The following CPD variants were observed in gnomAD, a reference collection of about 807,000 sequenced individuals.
CPD encodes carboxypeptidase D.
Under a neutral mutation model 138.3 loss-of-function variants are expected in CPD, and 69 were observed. The observed-to-expected ratio is 0.50, with a 90% CI of 0.41 to 0.61. CPD has a LOEUF of 0.61. Ranked by LOEUF, CPD falls within the 20% of genes least tolerant of loss-of-function variation. The pLI, the probability that CPD is intolerant of heterozygous loss-of-function variation, is 0.00. For synonymous variants in CPD, 651 were observed against 642.1 expected (o/e 1.01, Z -0.21); for missense variants, 1,432 against 1,733.3 (o/e 0.83, Z 3.09).
Position 30,385,240 on chromosome 17 carries a change from T to C in CPD, c.994+4T>C. On this transcript the variant is annotated splice_donor_region_variant and intron_variant, in intron 2 of 20. Coordinates refer to ENST00000225719, the MANE Select transcript of CPD (RefSeq NM_001304.5). ...GCACATTGGTATGATGTGGAAGGTATGCAAAGCATTGAGTTTGCTACATTT... is the reference window on the plus strand; with the variant it reads ...GCACATTGGTATGATGTGGAAGGTACGCAAAGCATTGAGTTTGCTACATTT... 2 of 1,613,594 alleles carry C rather than the reference T, an allele frequency of 1.2e-6. No homozygotes were observed. Among genetic ancestry groups the C allele is most frequent in the East Asian group, 2.2e-5 (1 of 44,856 alleles).
At chr17:30,461,414 T>TA in intron 18 of CPD, 103 bp downstream of exon 18, 1 of 827,392 alleles carries the variant, frequency 1.2e-6, no homozygotes, top group Non-Finnish European at 1.6e-6. Flanking sequence ...TTATTTATTT[T>TA]AAATTTATAT....
At chr17:30,407,582 T>G (rs1364763930) in intron 2 of CPD, among the ~76,000 whole-genome samples, 1 of 152,256 alleles carries the variant, frequency 6.6e-6, no homozygotes, top group African/African-American at 2.4e-5. Flanking sequence ...ATGAGCATTT[T>G]TTCCTGTGTC....
chr17:30,392,545 T>C (rs899143383), intron 2 of CPD, among the ~76,000 whole-genome samples: 10 of 152,240 alleles, frequency 6.6e-5, no homozygotes, highest in African/African-American at 1.9e-4. Flanking sequence ...TTACTATACA[T>C]TCTGGTATTA....
intron 6 of CPD, among the ~76,000 whole-genome samples, chr17:30,425,479 AC>A: frequency 6.6e-6 from 1 of 152,026 alleles, no homozygotes; most frequent in South Asian, 2.1e-4. Flanking sequence ...ACATGGTGAA[AC>A]CCTGTTTCTA....
At chr17:30,380,045 C>G (rs573856505) in intron 1 of CPD, among the ~76,000 whole-genome samples, 1 of 152,244 alleles carries the variant, frequency 6.6e-6, no homozygotes, top group Non-Finnish European at 1.5e-5. Context: ...TAGGTCAGCT[C>G]ACACATTTTA....
At chr17:30,400,096 G>A (rs1338297220) in intron 2 of CPD, among the ~76,000 whole-genome samples, 2 of 152,080 alleles carry the variant, frequency 1.3e-5, no homozygotes, top group Non-Finnish European at 2.9e-5. Context: ...CTTTTAGTTG[G>A]TGTGTTTGCA....
intron 5 of CPD, 130 bp downstream of exon 5, chr17:30,423,153 A>T: frequency 1.4e-6 from 1 of 694,442 alleles, no homozygotes; most frequent in Non-Finnish European, 2.3e-6. Context: ...ACTAAAATTA[A>T]AAGAAAGCAA....
chr17:30,443,467 A>G (rs977974501), intron 10 of CPD, among the ~76,000 whole-genome samples: 10 of 152,186 alleles, frequency 6.6e-5, no homozygotes, highest in African/African-American at 1.7e-4. Context: ...TCTTTGAACT[A>G]TAAGAGTCCT....
intron 8 of CPD, among the ~76,000 whole-genome samples, chr17:30,436,439 C>T (rs1412531101): frequency 1.3e-5 from 2 of 152,050 alleles, no homozygotes; most frequent in Admixed American, 1.3e-4. Flanking sequence ...AAAGACAAAT[C>T]ATCCAAGTGA....
At chr17:30,462,952 C>T (rs1174109615) in intron 20 of CPD, among the ~76,000 whole-genome samples, 1 of 152,258 alleles carries the variant, frequency 6.6e-6, no homozygotes, top group Non-Finnish European at 1.5e-5. Context: ...GCACAGATCA[C>T]TCATGCTATT....
rs1330140261 is a variant in CPD at position 30,462,427 on chromosome 17, C to T, written c.3874C>T (p.Arg1292Trp). Residue 1292 changes from arginine (R) to tryptophan (W), a missense_variant, in exon 20 of 21, where the codon CGG becomes TGG. By Grantham distance (101) the Arg-to-Trp change is moderately radical (BLOSUM62 -3). This residue lies in a region of CPD where 366 missense variants were observed against 518.8 expected (regional missense o/e 0.71). Transcript: ENST00000225719. ...GGTGATAGTCTTTGACACAGATAACCGGATATTTGGTTTGCCAAGGGAGCT... is the reference window on the plus strand; with the variant it reads ...GGTGATAGTCTTTGACACAGATAACTGGATATTTGGTTTGCCAAGGGAGCT... ...SVVIVFDTDN[R>W]IFGLPRELVV... 1.5e-5 allele frequency: 25 copies of T among 1,613,786 alleles called. No individual in the cohort carries two copies. Among genetic ancestry groups the T allele is most frequent in the Middle Eastern group, 1.7e-4 (1 of 6,058 alleles).
intron 17 of CPD, among the ~76,000 whole-genome samples, chr17:30,458,581 T>A (rs1913362645): frequency 6.6e-6 from 1 of 152,090 alleles, no homozygotes; most frequent in Non-Finnish European, 1.5e-5. Context: ...TGAAGAGTTT[T>A]ATGGGCTTGG....
intron 14 of CPD, among the ~76,000 whole-genome samples, chr17:30,453,593 A>G (rs956802315): frequency 1.6e-4 from 24 of 152,042 alleles, no homozygotes; most frequent in Non-Finnish European, 3.4e-4. Flanking sequence ...TCGTGGATCT[A>G]CCATTCTGGA....
rs1298454929 is a variant in CPD at position 30,469,776 on chromosome 17, G to A, written c.*4962G>A. On this transcript the variant is annotated 3_prime_UTR_variant, in exon 21 of 21. Coordinates refer to ENST00000225719, the MANE Select transcript of CPD (RefSeq NM_001304.5). ...TTTATGCTTCTTTAGTGAAAACAAC[G>A]TTACTTAACTGCTACAGGAAGTGTG... 6 of 152,228 alleles carry A rather than the reference G, an allele frequency of 3.9e-5. No individual in the cohort carries two copies. Among genetic ancestry groups the A allele is most frequent in the African/African-American group, 4.8e-5 (2 of 41,554 alleles). The allele number at this position is 152,228 out of a possible 1,614,324, so 9.4% of individuals were successfully genotyped here.
Position 30,379,304 on chromosome 17 carries a change from T to C in CPD, c.324T>C (p.Pro108=). 6.7e-7 allele frequency: 1 copy of C among 1,502,090 alleles called. No individual in the cohort carries two copies. The highest frequency in any genetic ancestry group is 1.9e-4 in the Middle Eastern group (1 of 5,358). 93.0% of individuals were successfully genotyped at this position (1,502,090 alleles called of 1,614,324 possible). The stretch of plus-strand genomic sequence containing the variant: ...CCGCCGGCCTGGGGTCGCTAATCCC[T>C]GAGGGCGACGCGGGGCCTGACGCTG... The part of the protein sequence containing the change: ...RLTAGLGSLI[P]EGDAGPDAAG... Residue 108 remains proline (P), a synonymous_variant, in exon 1 of 21, where the codon CCT becomes CCC. Coordinates refer to ENST00000225719, the MANE Select transcript of CPD (RefSeq NM_001304.5). The surrounding 1 kb of genome is among the most constrained non-coding windows in gnomAD (Gnocchi z 7.0).
intron 2 of CPD, among the ~76,000 whole-genome samples, chr17:30,397,303 A>G (rs1404554315): frequency 1.3e-5 from 2 of 152,224 alleles, no homozygotes; most frequent in African/African-American, 2.4e-5. Flanking sequence ...AAATTAAGAA[A>G]AATTTAAATA....
intron 2 of CPD, among the ~76,000 whole-genome samples, chr17:30,410,261 A>G (rs573488754): frequency 1.3e-5 from 2 of 152,044 alleles, no homozygotes; most frequent in African/African-American, 4.8e-5. Context: ...TTTGTTGAGG[A>G]GTGTTTTACT....
At chr17:30,462,532 GT>G in intron 20 of CPD, 63 bp downstream of exon 20, 12 of 1,106,828 alleles carry the variant, frequency 1.1e-5, no homozygotes, top group Non-Finnish European at 1.5e-5. Context: ...CAATATGAGA[GT>G]GGGTCACCTC....
intron 2 of CPD, among the ~76,000 whole-genome samples, chr17:30,409,655 G>A (rs567501764): frequency 6.6e-6 from 1 of 152,118 alleles, no homozygotes; most frequent in African/African-American, 2.4e-5. Flanking sequence ...GCGGTTTATA[G>A]TATTCTCTGA....
Sources: gnomAD v4.1 joint callset for allele counts (sites outside exome capture counted in the v4.1 genomes callset) on GRCh38, gnomAD v4.1.1 for gene constraint, gnomAD v4.1.1 regional missense constraint, Gnocchi (gnomAD v3.1) non-coding constraint, MANE v1.5 for transcripts, NCBI Gene and HGNC (gene_info 2026-07-23, HGNC 2026-07-21) for gene names.